The following PDE8A variants were observed in gnomAD, a reference collection of about 807,000 sequenced individuals.
PDE8A encodes the protein high affinity cAMP-specific and IBMX-insensitive 3',5'-cyclic phosphodiesterase 8A.
A neutral mutation model predicts 105.0 loss-of-function variants in PDE8A; 59 were observed. That is an observed-to-expected ratio of 0.56 (90% CI 0.46 to 0.70). The LOEUF (loss-of-function observed/expected upper bound fraction) is 0.70. PDE8A is among the 30% of genes least tolerant of loss of function. The probability of loss-of-function intolerance (pLI) is 0.00; values close to 1 mark genes in which losing one functional copy is unlikely to be tolerated. For synonymous variants in PDE8A, 355 were observed against 371.9 expected (o/e 0.95, Z 0.52); for missense variants, 1,014 against 1,045.9 (o/e 0.97, Z 0.42).
rs1245817289 is a variant in PDE8A, at chr15:85,085,924, A to G, written c.635+2280A>G. Among the ~76,000 whole-genome samples the G allele has an allele frequency of 3.3e-5, 5 of 151,192 alleles. No individual in the cohort carries two copies. In the South Asian group the frequency reaches 8.4e-4, roughly 25 times the overall value. On this transcript the variant is annotated intron_variant, in intron 6 of 21. Transcript: ENST00000394553. Reference sequence around the variant, plus strand: ...CTACTTGGGAGGCTGAGGCAGGATAATCACTGGAACCCGGGAGGCGAAGGT... The same window carrying G: ...CTACTTGGGAGGCTGAGGCAGGATAGTCACTGGAACCCGGGAGGCGAAGGT...
chr15:85,089,470 CT>C, intron 7 of PDE8A, 54 bp downstream of exon 7: 1 of 1,028,556 alleles, frequency 9.7e-7, no homozygotes, highest in Non-Finnish European at 1.5e-6. Context: ...CTTTTTCCAA[CT>C]TTTAGGATTG....
At chr15:85,066,569 C>G (rs1035392679) in intron 2 of PDE8A, among the ~76,000 whole-genome samples, 1 of 148,162 alleles carries the variant, frequency 6.7e-6, no homozygotes, top group African/African-American at 2.5e-5. Flanking sequence ...GTTGCCCACC[C>G]ACCATCCCCC....
intron 12 of PDE8A, 86 bp downstream of exon 12, chr15:85,109,216 TG>T: frequency 1.2e-6 from 1 of 814,446 alleles, no homozygotes; most frequent in Non-Finnish European, 2.0e-6. Context: ...AGGCTCATCC[TG>T]TCTACCTCCA....
rs771860380 is a variant in PDE8A, at chr15:85,001,474, G to A, written c.186+19126G>A. ...GAGAGGTTCCTGTGGTCTGCTGTAGGACAGTTTTTCCCTCCTGACTGTTTC... is the reference window on the plus strand; with the variant it reads ...GAGAGGTTCCTGTGGTCTGCTGTAGAACAGTTTTTCCCTCCTGACTGTTTC... On this transcript the variant is annotated intron_variant, in intron 1 of 21. Coordinates refer to ENST00000394553, the MANE Select transcript of PDE8A (RefSeq NM_002605.3). 1.1e-3 allele frequency among the ~76,000 whole-genome samples: 160 copies of A among 152,208 alleles called. 1 individual carries two copies. Among genetic ancestry groups the A allele is most frequent in the African/African-American group, 1.7e-3 (71 of 41,450 alleles).
At chr15:85,084,892 T>C (rs898111034) in intron 6 of PDE8A, among the ~76,000 whole-genome samples, 5 of 151,442 alleles carry the variant, frequency 3.3e-5, no homozygotes, top group Non-Finnish European at 7.3e-5. Flanking sequence ...ATCCAGTCAC[T>C]GACCAAGTCC....
intron 12 of PDE8A, among the ~76,000 whole-genome samples, chr15:85,112,611 G>C (rs145975190): frequency 1.3e-5 from 2 of 152,314 alleles, no homozygotes; most frequent in African/African-American, 4.8e-5. Flanking sequence ...CTCTCCTTGG[G>C]CCTCAGTTTC....
intron 1 of PDE8A, among the ~76,000 whole-genome samples, chr15:85,016,405 T>G (rs2080325730): frequency 6.6e-6 from 1 of 152,168 alleles, no homozygotes; most frequent in African/African-American, 2.4e-5. Flanking sequence ...CATATGGCTA[T>G]GGAATTATTC....
intron 12 of PDE8A, among the ~76,000 whole-genome samples, chr15:85,112,059 A>G (rs1280051623): frequency 1.3e-5 from 2 of 152,226 alleles, no homozygotes; most frequent in Admixed American, 6.5e-5. Context: ...TACTCACTGT[A>G]AAAGAAGAGG....
chr15:84,993,731 T>A (rs866761888), intron 1 of PDE8A, among the ~76,000 whole-genome samples: 44 of 151,058 alleles, frequency 2.9e-4, no homozygotes, highest in Non-Finnish European at 5.8e-4. Context: ...AAAAAAATAA[T>A]AATAAATAAA....
At chr15:85,062,841 G>A (rs1596481768) in intron 1 of PDE8A, 1 of 152,216 alleles carries the variant, frequency 6.6e-6, no homozygotes, top group East Asian at 1.9e-4. Flanking sequence ...TGTCTAGGTG[G>A]GGAAACAGAT....
intron 11 of PDE8A, among the ~76,000 whole-genome samples, chr15:85,108,209 G>C (rs1017255677): frequency 6.6e-6 from 1 of 152,196 alleles, no homozygotes; most frequent in African/African-American, 2.4e-5. Context: ...CTTTTCGATG[G>C]TGCAAAGGAA....
At chr15:84,999,121 C>CT (rs35710429) in intron 1 of PDE8A, among the ~76,000 whole-genome samples, 15,274 of 131,458 alleles carry the variant, frequency 0.12, 1,905 homozygotes, top group African/African-American at 0.3. Context: ...AGGTCACATT[C>CT]TTTTTTTTTT....
intron 1 of PDE8A, among the ~76,000 whole-genome samples, chr15:84,984,588 A>G (rs770205720): frequency 8.5e-5 from 13 of 152,244 alleles, no homozygotes; most frequent in Non-Finnish European, 1.5e-4. Flanking sequence ...TACAGCATTT[A>G]GTAAATACCA....
chr15:85,060,063 A>G (rs929341562), intron 1 of PDE8A, among the ~76,000 whole-genome samples: 10 of 152,010 alleles, frequency 6.6e-5, no homozygotes, highest in African/African-American at 1.9e-4. Context: ...TCATTTTGCT[A>G]TTTGTTTTTC....
intron 3 of PDE8A, among the ~76,000 whole-genome samples, chr15:85,071,801 G>T (rs1441124501): frequency 3.3e-5 from 5 of 152,220 alleles, no homozygotes; most frequent in African/African-American, 1.2e-4. Context: ...GTGTAAACAG[G>T]ATGAGAAGGG....
intron 1 of PDE8A, among the ~76,000 whole-genome samples, chr15:85,025,826 G>C (rs1391180438): frequency 6.6e-6 from 1 of 152,100 alleles, no homozygotes; most frequent in African/African-American, 2.4e-5. Flanking sequence ...CTTGAGACTC[G>C]GGCCAGAACA....
At chr15:85,049,412 TC>T (rs1354036643) in intron 1 of PDE8A, among the ~76,000 whole-genome samples, 1 of 152,182 alleles carries the variant, frequency 6.6e-6, no homozygotes, top group East Asian at 1.9e-4. Flanking sequence ...TTTTGACTAC[TC>T]CAAGTACCTC....
chr15:85,039,309 G>A (rs1459672670), intron 1 of PDE8A, among the ~76,000 whole-genome samples: 1 of 151,808 alleles, frequency 6.6e-6, no homozygotes, highest in Non-Finnish European at 1.5e-5. Flanking sequence ...CATGCCTGTA[G>A]TCCCAGCTAC....
intron 3 of PDE8A, among the ~76,000 whole-genome samples, chr15:85,072,730 A>T (rs537732743): frequency 6.6e-6 from 1 of 152,276 alleles, no homozygotes; most frequent in South Asian, 2.1e-4. Flanking sequence ...TGTGAGACAG[A>T]TACTGTTTAA....
Sources: gnomAD v4.1 joint callset for allele counts (sites outside exome capture counted in the v4.1 genomes callset) on GRCh38, gnomAD v4.1.1 for gene constraint, MANE v1.5 for transcripts, NCBI Gene and HGNC (gene_info 2026-07-23, HGNC 2026-07-21) for gene names.